GPBP1: variants seen among roughly 807,000 people sequenced by gnomAD.
GPBP1 encodes the protein GC-rich promoter binding protein 1.
A neutral mutation model predicts 56.5 loss-of-function variants in GPBP1; 13 were observed. That is an observed-to-expected ratio of 0.23 (90% CI 0.15 to 0.37). The LOEUF is 0.37. Among genes scored for constraint, GPBP1 ranks in the 10% least tolerant of loss-of-function variants. The pLI is 1.00. For missense variants in GPBP1, 477 were observed against 572.3 expected, an observed-to-expected ratio of 0.83 and a Z score of 1.70; for synonymous variants, 204 against 188.9, an observed-to-expected ratio of 1.08 and a Z score of -0.66.
intron 2 of GPBP1, among the ~76,000 whole-genome samples, chr5:57,204,491 A>G (rs1755147681): frequency 1.3e-5 from 2 of 152,274 alleles, no homozygotes; most frequent in South Asian, 4.1e-4. Flanking sequence ...GATTCGGGCG[A>G]TACCCCGACC....
intron 6 of GPBP1, among the ~76,000 whole-genome samples, chr5:57,240,958 TA>T (rs78151789): frequency 0.15 from 21,033 of 143,606 alleles, 1,757 homozygotes; most frequent in East Asian, 0.31. Context: ...GTCTCCCATT[TA>T]AAAAAAAAAA....
chr5:57,175,319 C>T, intron 1 of GPBP1, 129 bp from the exon 2 acceptor site: 1 of 383,286 alleles, frequency 2.6e-6, no homozygotes. Context: ...TAAAGAAGCC[C>T]TTTTCCAGGC....
At chr5:57,236,558 A>G (rs1054957843) in intron 6 of GPBP1, among the ~76,000 whole-genome samples, 7 of 152,016 alleles carry the variant, frequency 4.6e-5, no homozygotes, top group African/African-American at 1.7e-4. Context: ...CTGATTTCTG[A>G]TTTTCAAAGC....
intron 6 of GPBP1, among the ~76,000 whole-genome samples, chr5:57,237,847 A>T (rs904904414): frequency 5.7e-5 from 8 of 141,458 alleles, no homozygotes; most frequent in African/African-American, 1.0e-4. Flanking sequence ...AATATTTATT[A>T]AAAAAAAAAA....
At chr5:57,221,384 C>G (rs1489400899) in intron 3 of GPBP1, 1 of 1,529,690 alleles carries the variant, frequency 6.5e-7, no homozygotes, top group African/African-American at 1.4e-5. Context: ...AGGTCCTGAC[C>G]AGCAGTTTGA....
At chr5:57,232,672 A>G (rs1432014862) in intron 5 of GPBP1, among the ~76,000 whole-genome samples, 4 of 152,238 alleles carry the variant, frequency 2.6e-5, no homozygotes, top group African/African-American at 7.2e-5. Flanking sequence ...GTTCCAGCCA[A>G]TAGAAACTGG....
At chr5:57,237,038 A>G in intron 6 of GPBP1, 2 of 1,025,500 alleles carry the variant, frequency 2.0e-6, no homozygotes, top group South Asian at 1.4e-5. Flanking sequence ...GGGTGGTCAG[A>G]CACTTTTGTT....
intron 2 of GPBP1, 85 bp from the exon 3 acceptor site, chr5:57,213,989 G>T: frequency 1.6e-6 from 1 of 635,160 alleles, no homozygotes; most frequent in Non-Finnish European, 2.8e-6. Flanking sequence ...TCCTATAGTA[G>T]TAAGTAGTAA....
chr5:57,205,112 A>C (rs991235613), intron 2 of GPBP1, among the ~76,000 whole-genome samples: 11 of 151,892 alleles, frequency 7.2e-5, no homozygotes, highest in Non-Finnish European at 1.5e-4. Context: ...CCCGCATTCC[A>C]CCCTCCCAAC....
At chr5:57,224,700 C>A (rs1267650024) in intron 3 of GPBP1, among the ~76,000 whole-genome samples, 1 of 152,148 alleles carries the variant, frequency 6.6e-6, no homozygotes, top group African/African-American at 2.4e-5. Flanking sequence ...TAGGCGTGAG[C>A]CACTGTACCC....
intron 10 of GPBP1, 90 bp from the exon 11 acceptor site, chr5:57,261,090 G>A (rs1309761599): frequency 1.2e-6 from 1 of 826,870 alleles, no homozygotes; most frequent in Non-Finnish European, 2.0e-6. Flanking sequence ...AATGGATCCT[G>A]GTGGATCATG....
chr5:57,250,919 ATT>A (rs1245887254), intron 9 of GPBP1, 33 bp from the exon 10 acceptor site: 1 of 1,298,170 alleles, frequency 7.7e-7, no homozygotes, highest in African/African-American at 1.8e-5. Context: ...TGTAGAACTC[ATT>A]CTTTTTTTTT....
rs375618785 is a variant in GPBP1, at chr5:57,230,925, A to G, written c.143A>G (p.Asn48Ser). The change falls in exon 4 of 12, where the codon AAC becomes AGC. Residue 48 changes from asparagine (N) to serine (S), a missense_variant. Transcript: ENST00000506184. ...TATGATGTGAACCGTCGACGACACA[A>G]CTCTTCAGATGGCTTTGATTCTGCT... is the stretch of plus-strand genomic sequence containing the variant. ...NRYDVNRRRH[N>S]SSDGFDSAIG... 7.4e-6 allele frequency: 12 copies of G among 1,612,342 alleles called. No individual in the cohort carries two copies. The highest frequency in any genetic ancestry group is 1.1e-5 in the South Asian group (1 of 90,418).
At chr5:57,236,725 G>T (rs1417993304) in intron 6 of GPBP1, among the ~76,000 whole-genome samples, 1 of 151,856 alleles carries the variant, frequency 6.6e-6, no homozygotes, top group African/African-American at 2.4e-5. Context: ...TAAAATAATG[G>T]AAAATTTTAT....
intron 2 of GPBP1, among the ~76,000 whole-genome samples, chr5:57,186,068 T>C (rs897733213): frequency 6.6e-6 from 1 of 152,218 alleles, no homozygotes; most frequent in African/African-American, 2.4e-5. Flanking sequence ...TGTTTTCATT[T>C]TCTTGATACA....
In GPBP1 at chr5:57,262,461, A is replaced by G. The variant is rs564236237; in HGVS notation, c.1264-133A>G. On this transcript the variant is annotated intron_variant, in intron 11 of 11. Transcript: ENST00000506184. The stretch of plus-strand genomic sequence containing the variant: ...CACATCTACTTTGTCTGGATCCAGA[A>G]TTTTTTCAGAAATATCATTACTTGT... The G allele has an allele frequency of 1.6e-4, 112 of 683,844 alleles. No individual in the cohort carries two copies. The South Asian group carries it at 2.1e-3, about 13-fold the overall frequency. 42.4% of individuals were successfully genotyped at this position (683,844 alleles called of 1,614,324 possible). A position where few individuals can be genotyped will look rare whatever the true frequency, so the allele number is the denominator to read the frequency against.
In GPBP1 at chr5:57,263,969, A is replaced by G. The variant is rs73757334; in HGVS notation, c.*1217A>G. On this transcript the variant is annotated 3_prime_UTR_variant, in exon 12 of 12. Transcript: ENST00000506184. ...ATGTAAAGAGCATAATCTTAGAGCA[A>G]AAATACTTGAGGTTTTATGTCAGAT... 294 of 152,314 alleles carry G rather than the reference A, an allele frequency of 1.9e-3. 1 individual carries two copies. Among genetic ancestry groups the G allele is most frequent in the African/African-American group, 6.3e-3 (263 of 41,570 alleles). 9.4% of individuals were successfully genotyped at this position (152,314 alleles called of 1,614,324 possible).
chr5:57,178,685 A>G (rs1289992832), intron 2 of GPBP1, among the ~76,000 whole-genome samples: 1 of 152,246 alleles, frequency 6.6e-6, no homozygotes, highest in Non-Finnish European at 1.5e-5. Flanking sequence ...CTTTGCGTAC[A>G]GCAGTTCTTC....
chr5:57,252,253 T>C (rs1385340621), intron 10 of GPBP1, among the ~76,000 whole-genome samples: 2 of 151,832 alleles, frequency 1.3e-5, no homozygotes, highest in Non-Finnish European at 2.9e-5. Flanking sequence ...ACGGCTTCAG[T>C]GGTACCTATT....
Sources: allele counts gnomAD v4.1 joint callset (sites outside exome capture counted in the v4.1 genomes callset), GRCh38; gene constraint gnomAD v4.1.1; transcripts MANE v1.5; gene names NCBI Gene and HGNC (gene_info 2026-07-23, HGNC 2026-07-21).